RNF17: variants seen among roughly 807,000 people sequenced by gnomAD.
RNF17 encodes the protein spermatogenesis associated 23.
Under a neutral mutation model 200.5 loss-of-function variants are expected in RNF17, and 31 were observed. That is an observed-to-expected ratio of 0.15 (90% CI 0.12 to 0.21). The LOEUF (loss-of-function observed/expected upper bound fraction) is 0.21. Among genes scored for constraint, RNF17 ranks in the 10% least tolerant of loss-of-function variants. The probability of loss-of-function intolerance (pLI) is 1.00; values close to 1 mark genes in which losing one functional copy is unlikely to be tolerated. For missense variants in RNF17, 1,628 were observed against 1,905.1 expected, an observed-to-expected ratio of 0.85 and a Z score of 2.71; for synonymous variants, 606 against 637.8, an observed-to-expected ratio of 0.95 and a Z score of 0.75.
the RNF17 span, chr13:24,886,314 G>A: frequency 2.3e-6 from 3 of 1,289,212 alleles, no homozygotes; most frequent in Non-Finnish European, 3.0e-6. Flanking sequence ...CGGGAGAATG[G>A]CCTGAAGGAG....
In RNF17 at chr13:24,843,881, A is replaced by G. The variant is rs1181829515; in HGVS notation, c.2741A>G (p.Tyr914Cys). The change falls in exon 20 of 36, where the codon TAT becomes TGT. Residue 914 changes from tyrosine (Y) to cysteine (C), a missense_variant. This residue lies in a region of RNF17 where 227 missense variants were observed against 319.8 expected (regional missense o/e 0.71). Coordinates refer to ENST00000255324, the MANE Select transcript of RNF17 (RefSeq NM_031277.3). Reference protein sequence around the residue: ...SLPNENFQSLYNKELPVHICN... With the variant: ...SLPNENFQSLCNKELPVHICN... ...CCTAATGAGAATTTTCAGTCACTTT[A>G]TAATAAGGAATTGCCTGTGCATATC... The G allele has an allele frequency of 1.9e-6, 3 of 1,603,546 alleles. No individual in the cohort carries two copies. Among genetic ancestry groups the G allele is most frequent in the African/African-American group, 2.7e-5 (2 of 74,612 alleles).
Position 24,816,679 on chromosome 13 carries a change from A to T in RNF17, c.2092-8940A>T, listed in dbSNP as rs538385561. ...TTTTGTTTTGCTGCCTCTGTGTCTC[A>T]CCTGACTGACATACACATACCTAAC... On this transcript the variant is annotated intron_variant, in intron 15 of 35. Transcript: ENST00000255324. Among the ~76,000 whole-genome samples, 8 of 152,294 alleles carry T rather than the reference A, an allele frequency of 5.3e-5. No homozygotes were observed. In the South Asian group the frequency reaches 1.0e-3, roughly 20 times the overall value.
downstream of RNF17, chr13:24,884,128 A>AT: frequency 6.3e-7 from 1 of 1,588,420 alleles, no homozygotes; most frequent in Non-Finnish European, 8.6e-7. Context: ...AAGGAAGGGA[A>AT]GAATTTAATG....
chr13:24,851,484 T>C lies in RNF17; in HGVS notation c.3233T>C (p.Val1078Ala). 1 of 1,613,434 alleles carries C rather than the reference T, an allele frequency of 6.2e-7. No individual in the cohort carries two copies. The highest frequency in any genetic ancestry group is 1.1e-5 in the South Asian group (1 of 90,852). Residue 1078 changes from valine to alanine, a missense_variant, in exon 24 of 36, where the codon GTG becomes GCG. Physicochemically the swap from Val to Ala is moderately conservative, Grantham distance 64. Around this residue, in one of 5 missense-constraint regions of RNF17, gnomAD observed 609 missense variants for 681.9 expected, o/e 0.89. Coordinates refer to ENST00000255324, the MANE Select transcript of RNF17 (RefSeq NM_031277.3). ...EENNTTWPLP[V>A]KIFCRDEKGE... is the part of the protein sequence containing the mutation. ...AACAACACAACATGGCCATTACCTG[T>C]GAAAATTTTCTGCAGAGATGAAAAA...
At chr13:24,754,988 G>A in the RNF17 span, among the ~76,000 whole-genome samples, 4 of 151,104 alleles carry the variant, frequency 2.6e-5, no homozygotes, top group East Asian at 1.9e-4. Context: ...TGCACATGCC[G>A]AGAACTACAT....
chr13:24,884,303 G>A (rs1469530806), downstream of RNF17: 1 of 1,614,128 alleles, frequency 6.2e-7, no homozygotes, highest in Admixed American at 1.7e-5. Context: ...CTATGGAGGA[G>A]AACACCTCTG....
At chr13:24,877,425 T>C (rs1894977702) in intron 34 of RNF17, among the ~76,000 whole-genome samples, 1 of 152,190 alleles carries the variant, frequency 6.6e-6, no homozygotes, top group African/African-American at 2.4e-5. Flanking sequence ...TAAAATATCA[T>C]TTATGTAATT....
chr13:24,828,382 CTTTTGTT>C (rs1011053742), intron 16 of RNF17, among the ~76,000 whole-genome samples: 130 of 152,212 alleles, frequency 8.5e-4, no homozygotes, highest in Non-Finnish European at 1.6e-4. Flanking sequence ...AATAGTAGCT[CTTTTGTT>C]TTTTATCTGC....
chr13:24,764,123 G>T, upstream of RNF17: 2 of 1,362,002 alleles, frequency 1.5e-6, no homozygotes, highest in Middle Eastern at 2.1e-4. Context: ...ATCTGCAGGG[G>T]CTGGCCTCCA....
rs1210670567 is a variant in RNF17 at position 24,781,964 on chromosome 13, G to A, written c.611+20G>A. The A allele has an allele frequency of 6.9e-7, 1 of 1,450,222 alleles. No homozygotes were observed. Among genetic ancestry groups the A allele is most frequent in the Non-Finnish European group, 9.7e-7 (1 of 1,035,316 alleles). The allele number at this position is 1,450,222 out of a possible 1,614,324, so 89.8% of individuals were successfully genotyped here. On this transcript the variant is annotated intron_variant, in intron 6 of 35. Transcript: ENST00000255324. ...TTCCAGGTTAGTAACTTAAAAATAT[G>A]GACTCAATGAAACTGAAGTTTCTAA...
chr13:24,886,163 C>A, the RNF17 span: 1 of 499,858 alleles, frequency 2.0e-6, no homozygotes, highest in Non-Finnish European at 3.6e-6. Context: ...AGGTGAATCT[C>A]TCTCTAAAAA....
chr13:24,880,194 T>TG (rs1188931697), downstream of RNF17, among the ~76,000 whole-genome samples: 1 of 151,800 alleles, frequency 6.6e-6, no homozygotes, highest in African/African-American at 2.4e-5. Flanking sequence ...CCTACAAACA[T>TG]GGGGGAAGGG....
At chr13:24,766,012 G>C (rs1317390283) in intron 1 of RNF17, among the ~76,000 whole-genome samples, 2 of 152,216 alleles carry the variant, frequency 1.3e-5, no homozygotes, top group African/African-American at 2.4e-5. Flanking sequence ...CGGATCACTT[G>C]AGGTCGGGAG....
rs1810321460 is a variant in RNF17, at chr13:24,789,643, G to A, written c.861-55G>A. 2.5e-6 allele frequency: 3 copies of A among 1,185,008 alleles called. No individual in the cohort carries two copies. In the South Asian group the frequency reaches 3.9e-5, roughly 16 times the overall value. 73.4% of individuals were successfully genotyped at this position (1,185,008 alleles called of 1,614,324 possible). ...TGTCAGCAATTGATTTTTGTCTAGA[G>A]AACATGATACATTTGTATTAGAACA... On this transcript the variant is annotated intron_variant, in intron 8 of 35. Transcript: ENST00000255324.
intron 15 of RNF17, chr13:24,824,190 T>G (rs1473203703): frequency 1.4e-6 from 1 of 714,864 alleles, no homozygotes; most frequent in African/African-American, 1.8e-5. Flanking sequence ...TTGGATTGCT[T>G]TGTAGAGATC....
Position 24,843,927 on chromosome 13 carries a change from G to A in RNF17, c.2787G>A (p.Glu929=), listed in dbSNP as rs913451180. The stretch of plus-strand genomic sequence containing the variant: ...ATATCTGTAATGTAATATCTCCTGA[G>A]AAGATTTATGTTCAGTGGTTGTTAA... ...PVHICNVISP[E]KIYVQWLLTE... The change falls in exon 20 of 36, where the codon GAG becomes GAA. Residue 929 remains glutamate (E), a synonymous_variant. Coordinates refer to ENST00000255324, the MANE Select transcript of RNF17 (RefSeq NM_031277.3). The A allele has an allele frequency of 6.4e-7, 1 of 1,568,654 alleles. No homozygotes were observed. Among genetic ancestry groups the A allele is most frequent in the African/African-American group, 1.4e-5 (1 of 72,950 alleles).
intron 2 of RNF17, among the ~76,000 whole-genome samples, chr13:24,767,602 G>T (rs1170666440): frequency 6.6e-6 from 1 of 151,948 alleles, no homozygotes; most frequent in Non-Finnish European, 1.5e-5. Context: ...ACAAAAATTT[G>T]CTGGACCTAG....
chr13:24,869,177 C>T (rs9553457), intron 31 of RNF17, among the ~76,000 whole-genome samples: 29,898 of 152,058 alleles, frequency 0.2, 3,213 homozygotes, highest in South Asian at 0.32. Flanking sequence ...ACTAGGCACC[C>T]GGTGAATATT....
intron 18 of RNF17, among the ~76,000 whole-genome samples, chr13:24,834,425 CAACAACAAG>C (rs1196780372): frequency 2.0e-5 from 3 of 151,170 alleles, no homozygotes; most frequent in Admixed American, 6.6e-5. Flanking sequence ...AAATTAACAA[CAACAACAAG>C]AACAACAAAA....
Sources: allele counts gnomAD v4.1 joint callset (sites outside exome capture counted in the v4.1 genomes callset), GRCh38; gene constraint gnomAD v4.1.1; regional missense constraint gnomAD v4.1.1; transcripts MANE v1.5; gene names NCBI Gene and HGNC (gene_info 2026-07-23, HGNC 2026-07-21).